Variants in LRRTM1 observed in about 807,000 individuals in gnomAD.
LRRTM1 encodes the protein leucine rich repeat transmembrane neuronal 1.
LRRTM1 carries 8 observed loss-of-function variants against 37.3 expected under a neutral mutation model. The ratio of observed to expected loss-of-function variants is 0.21; its 90% CI spans 0.13 to 0.39. The LOEUF (loss-of-function observed/expected upper bound fraction) is 0.39, where lower values mean the gene tolerates loss of function less well. Ranked by LOEUF, LRRTM1 falls within the 10% of genes least tolerant of loss-of-function variation. LRRTM1 has a pLI of 1.00. For missense variants in LRRTM1, 557 were observed against 691.0 expected (o/e 0.81, Z 2.17); for synonymous variants, 326 against 316.8 (o/e 1.03, Z -0.31).
chr2:80,289,002 C>T (rs1455544945), exon 3 of LRRTM1: 1 of 152,072 alleles, frequency 6.6e-6, no homozygotes, highest in Non-Finnish European at 1.5e-5. Context: ...TGTGAGGGTT[C>T]AGAAAAACAA....
At position 80,302,207 on chromosome 2, in the gene LRRTM1, C is replaced by T. The variant is rs1276694404; in HGVS notation, c.*44G>A. On this transcript the variant is annotated 3_prime_UTR_variant, in exon 2 of 2. Transcript: ENST00000295057. This position sits in a 1 kb window ranked among gnomAD's most constrained non-coding sequence, Gnocchi z 6.4. ...GTGCCCGCCGGCCCGTCCCGGCTGC[C>T]CAGGCGTATTTGGTAGCGCATGGGT... The T allele has an allele frequency of 6.3e-7, 1 of 1,582,034 alleles. No individual in the cohort carries two copies. Among genetic ancestry groups the T allele is most frequent in the South Asian group, 1.2e-5 (1 of 84,946 alleles).
At chr2:80,301,095 C>A (rs1336896886), downstream of LRRTM1, among the ~76,000 whole-genome samples, 1 of 152,124 alleles carries the variant, frequency 6.6e-6, no homozygotes, top group African/African-American at 2.4e-5. Flanking sequence ...CTCCCCACCC[C>A]ATCACTGCTC....
At chr2:80,292,294 A>G (rs957230829) in intron 2 of LRRTM1, among the ~76,000 whole-genome samples, 1 of 152,192 alleles carries the variant, frequency 6.6e-6, no homozygotes, top group African/African-American at 2.4e-5. Context: ...CATTTTATAG[A>G]TGAAGGAACT....
At chr2:80,292,906 CT>C (rs549451198) in intron 2 of LRRTM1, among the ~76,000 whole-genome samples, 4 of 151,942 alleles carry the variant, frequency 2.6e-5, no homozygotes, top group South Asian at 2.1e-4. Flanking sequence ...CATGTTTGCT[CT>C]TTTTTTTGTA....
intron 2 of LRRTM1, among the ~76,000 whole-genome samples, chr2:80,293,109 T>C (rs1277190182): frequency 2.6e-5 from 4 of 152,178 alleles, no homozygotes; most frequent in African/African-American, 7.2e-5. Flanking sequence ...ATGCAATCAC[T>C]ATGGAGCAGA....
chr2:80,292,337 T>A (rs1187540504), intron 2 of LRRTM1, among the ~76,000 whole-genome samples: 3 of 152,112 alleles, frequency 2.0e-5, no homozygotes, highest in Non-Finnish European at 4.4e-5. Flanking sequence ...CTTGCCAAAG[T>A]CACTCAGCCA....
In LRRTM1 at chr2:80,302,947, G is replaced by A. The variant is rs757461628; in HGVS notation, c.873C>T (p.Arg291=). 1.2e-6 allele frequency: 2 copies of A among 1,613,958 alleles called. No homozygotes were observed. Among genetic ancestry groups the A allele is most frequent in the East Asian group, 4.5e-5 (2 of 44,846 alleles). Residue 291 remains arginine, a synonymous_variant, in exon 2 of 2, where the codon CGC becomes CGT. Transcript: ENST00000295057. The surrounding 1 kb of genome is among the most constrained non-coding windows in gnomAD (Gnocchi z 6.4). Reference sequence around the variant, plus strand: ...GGATCCGGGGCTCGATGTAGGTGAGGCGGTTGGAGTCCAGCTGCAGGGACT... The same window carrying A: ...GGATCCGGGGCTCGATGTAGGTGAGACGGTTGGAGTCCAGCTGCAGGGACT... The part of the protein sequence containing the change: ...HLQSLQLDSN[R]LTYIEPRILN...
At chr2:80,289,724 A>G (rs1675074095) in intron 2 of LRRTM1, among the ~76,000 whole-genome samples, 2 of 152,198 alleles carry the variant, frequency 1.3e-5, no homozygotes. Flanking sequence ...CCAGGTTCAC[A>G]GAGTCACACT....
chr2:80,289,513 C>A (rs1675053981), intron 2 of LRRTM1, among the ~76,000 whole-genome samples: 1 of 152,296 alleles, frequency 6.6e-6, no homozygotes, highest in South Asian at 2.1e-4. Flanking sequence ...GCTCCTAATG[C>A]CATCCACATT....
At position 80,302,195 on chromosome 2, in the gene LRRTM1, C is replaced by T; in HGVS notation, c.*56G>A. On this transcript the variant is annotated 3_prime_UTR_variant, in exon 2 of 2. Coordinates refer to ENST00000295057, the MANE Select transcript of LRRTM1 (RefSeq NM_178839.5). The surrounding 1 kb of genome is among the most constrained non-coding windows in gnomAD (Gnocchi z 6.4). ...GACCCCAGCCTGGTGCCCGCCGGCC[C>T]GTCCCGGCTGCCCAGGCGTATTTGG... 1 of 1,567,596 alleles carries T rather than the reference C, an allele frequency of 6.4e-7. No homozygotes were observed. Among genetic ancestry groups the T allele is most frequent in the Non-Finnish European group, 8.6e-7 (1 of 1,156,442 alleles).
rs78514535 is a variant in LRRTM1 at position 80,296,693 on chromosome 2, C to A, written c.*306+5252G>T. Among the ~76,000 whole-genome samples, 13 of 152,284 alleles carry A rather than the reference C, an allele frequency of 8.5e-5. No individual in the cohort carries two copies. The East Asian group carries it at 2.3e-3, about 27-fold the overall frequency. On this transcript the variant is annotated intron_variant and NMD_transcript_variant, in intron 2 of 2. Coordinates refer to the LRRTM1 transcript ENST00000417012. Reference sequence around the variant, plus strand: ...AGCACCATTACTTTCTGTCGTGGAGCAGGGTTTTTCAACTTCAGCACTCTT... The same window carrying A: ...AGCACCATTACTTTCTGTCGTGGAGAAGGGTTTTTCAACTTCAGCACTCTT...
At chr2:80,290,190 A>G (rs1317494653) in intron 2 of LRRTM1, among the ~76,000 whole-genome samples, 1 of 152,224 alleles carries the variant, frequency 6.6e-6, no homozygotes, top group Non-Finnish European at 1.5e-5. Flanking sequence ...CTAAGCCAGC[A>G]AATGGCAGAA....
rs1193580998 is a variant in LRRTM1, at chr2:80,302,324, C to G, written c.1496G>C (p.Gly499Ala). 2.5e-6 allele frequency: 4 copies of G among 1,614,198 alleles called. No individual in the cohort carries two copies. Among genetic ancestry groups the G allele is most frequent in the Non-Finnish European group, 3.4e-6 (4 of 1,180,032 alleles). Residue 499 changes from glycine (G) to alanine (A), a missense_variant, in exon 2 of 2, where the codon GGA becomes GCA. Around this residue, in one of 5 missense-constraint regions of LRRTM1, gnomAD observed 90 missense variants for 149.4 expected, o/e 0.60. Coordinates refer to ENST00000295057, the MANE Select transcript of LRRTM1 (RefSeq NM_178839.5). This position sits in a 1 kb window ranked among gnomAD's most constrained non-coding sequence, Gnocchi z 6.4. ...YVDYKPNHIE[G>A]ALVIINEYGS... ...ATACTCGTTGATGATCACCAGGGCT[C>G]CCTCAATGTGGTTCGGTTTGTAATC...
downstream of LRRTM1, chr2:80,298,626 C>T (rs1055060826): frequency 3.3e-5 from 5 of 152,234 alleles, no homozygotes; most frequent in African/African-American, 1.2e-4. Flanking sequence ...TGATTACTTA[C>T]ATATACTCAT....
downstream of LRRTM1, among the ~76,000 whole-genome samples, chr2:80,300,920 G>A (rs1676232278): frequency 6.6e-6 from 1 of 151,494 alleles, no homozygotes; most frequent in African/African-American, 2.4e-5. Flanking sequence ...TATGAGGGGT[G>A]AGAAGGAGCA....
At chr2:80,294,254 T>C (rs1675525276) in intron 2 of LRRTM1, among the ~76,000 whole-genome samples, 1 of 152,142 alleles carries the variant, frequency 6.6e-6, no homozygotes, top group Non-Finnish European at 1.5e-5. Context: ...CCTTGTGAAA[T>C]TATTGGGAGA....
downstream of LRRTM1, chr2:80,299,811 G>A (rs1676080658): frequency 6.6e-6 from 1 of 152,170 alleles, no homozygotes; most frequent in Admixed American, 6.6e-5. Context: ...TGCCAGAAAG[G>A]TTTTGCTTCT....
At chr2:80,296,516 C>T (rs745459345) in intron 2 of LRRTM1, among the ~76,000 whole-genome samples, 1 of 152,120 alleles carries the variant, frequency 6.6e-6, no homozygotes, top group Non-Finnish European at 1.5e-5. Context: ...TTAACTTTTG[C>T]TGATTATCAG....
downstream of LRRTM1, among the ~76,000 whole-genome samples, chr2:80,297,273 A>G (rs1675830072): frequency 6.6e-6 from 1 of 152,158 alleles, no homozygotes; most frequent in Non-Finnish European, 1.5e-5. Flanking sequence ...GAATAAAGAA[A>G]CAGTGTGTAG....
Sources: gnomAD v4.1 joint callset for allele counts (sites outside exome capture counted in the v4.1 genomes callset) on GRCh38, gnomAD v4.1.1 for gene constraint, gnomAD v4.1.1 regional missense constraint, Gnocchi (gnomAD v3.1) non-coding constraint, MANE v1.5 for transcripts, NCBI Gene and HGNC (gene_info 2026-07-23, HGNC 2026-07-21) for gene names.